The following TMEM229B variants were observed in gnomAD, a reference collection of about 807,000 sequenced individuals.
The protein encoded by TMEM229B is transmembrane protein 229B, also known as chromosome 14 open reading frame 83.
TMEM229B carries 6 observed loss-of-function variants against 13.7 expected under a neutral mutation model. The observed-to-expected ratio is 0.44, with a 90% confidence interval of 0.24 to 0.86. The LOEUF is 0.86. Ranked by LOEUF, TMEM229B falls within the 40% of genes least tolerant of loss-of-function variation. The pLI, the probability that TMEM229B is intolerant of heterozygous loss-of-function variation, is 0.23. For missense variants in TMEM229B, 170 were observed against 236.0 expected, an observed-to-expected ratio of 0.72 and a Z score of 1.83; for synonymous variants, 107 against 102.1, an observed-to-expected ratio of 1.05 and a Z score of -0.29.
upstream of TMEM229B, among the ~76,000 whole-genome samples, chr14:67,516,879 C>T (rs905947670): frequency 1.3e-5 from 2 of 152,196 alleles, no homozygotes; most frequent in African/African-American, 2.4e-5. Context: ...TAGACAGCCA[C>T]GTGCTACCAG....
At chr14:67,475,733 C>G (rs887991256) in intron 2 of TMEM229B, among the ~76,000 whole-genome samples, 1 of 152,138 alleles carries the variant, frequency 6.6e-6, no homozygotes, top group African/African-American at 2.4e-5. Flanking sequence ...GCTCCTTTCC[C>G]CTCCCCTCTT....
chr14:67,496,145 T>C (rs1354775009), intron 1 of TMEM229B, among the ~76,000 whole-genome samples: 3 of 152,244 alleles, frequency 2.0e-5, no homozygotes, highest in Admixed American at 1.3e-4. Context: ...GCTGAGATGG[T>C]GCCACTGTAC....
At chr14:67,528,930 G>A (rs1284077694) in intron 1 of TMEM229B, among the ~76,000 whole-genome samples, 1 of 152,106 alleles carries the variant, frequency 6.6e-6, no homozygotes, top group Admixed American at 6.6e-5. Flanking sequence ...TTTAAGACAT[G>A]AGGTTAGATT....
chr14:67,470,336 A>G lies in TMEM229B; in HGVS notation c.*3084T>C. 1 of 152,486 alleles carries G rather than the reference A, an allele frequency of 6.6e-6. No individual in the cohort carries two copies. Among genetic ancestry groups the G allele is most frequent in the Non-Finnish European group, 1.5e-5 (1 of 68,134 alleles). 9.4% of individuals were successfully genotyped at this position (152,486 alleles called of 1,614,324 possible). A position where few individuals can be genotyped will look rare whatever the true frequency, so the allele number is the denominator to read the frequency against. ...AAGGAAGAGACAGAGGGACCAACGG[A>G]GACACAGAGCAGGCAATGGGCGCAC... On this transcript the variant is annotated 3_prime_UTR_variant, in exon 3 of 3. Coordinates refer to ENST00000554480, the MANE Select transcript of TMEM229B (RefSeq NM_001348543.2).
At chr14:67,475,956 C>T (rs750056583) in intron 2 of TMEM229B, among the ~76,000 whole-genome samples, 3 of 152,230 alleles carry the variant, frequency 2.0e-5, no homozygotes, top group East Asian at 1.9e-4. Context: ...GTGGCCTTGA[C>T]GCAGGCCCGT....
chr14:67,477,902 C>T (rs1049556279), intron 2 of TMEM229B, among the ~76,000 whole-genome samples: 5 of 152,232 alleles, frequency 3.3e-5, no homozygotes, highest in Non-Finnish European at 5.9e-5. Context: ...CTGGCTTCCT[C>T]TGCCACATCC....
upstream of TMEM229B, among the ~76,000 whole-genome samples, chr14:67,489,772 C>T (rs561104670): frequency 2.6e-5 from 4 of 152,258 alleles, no homozygotes; most frequent in East Asian, 1.9e-4. Flanking sequence ...GGGCGGATCA[C>T]GAGGTCAGGA....
exon 1 of TMEM229B, chr14:67,515,264 C>G (rs1177166013): frequency 6.5e-6 from 1 of 152,956 alleles, no homozygotes; most frequent in Non-Finnish European, 1.5e-5. Context: ...TGGCTCCCCC[C>G]GCGCCGAGTT....
chr14:67,500,201 T>C (rs1171170272), intron 1 of TMEM229B, among the ~76,000 whole-genome samples: 2 of 151,984 alleles, frequency 1.3e-5, no homozygotes, highest in Non-Finnish European at 2.9e-5. Flanking sequence ...ATAGGCCATA[T>C]GCGGTGGCTT....
In TMEM229B at chr14:67,505,168, G is replaced by A. The variant is rs56338518; in HGVS notation, c.-192+9918C>T. 7.5e-3 allele frequency among the ~76,000 whole-genome samples: 1,143 copies of A among 152,210 alleles called. 20 individuals are homozygous for A. Among genetic ancestry groups the A allele is most frequent in the Admixed American group, 0.013 (195 of 15,280 alleles). On this transcript the variant is annotated intron_variant, in intron 1 of 2. Transcript: ENST00000357461. Reference sequence around the variant, plus strand: ...GGATGCGCATTTTCAAAAGAGGTGCGCAAGGGCCCCTCTCTCAAGCTGAGG... The same window carrying A: ...GGATGCGCATTTTCAAAAGAGGTGCACAAGGGCCCCTCTCTCAAGCTGAGG...
At chr14:67,492,608 G>A (rs777852945), upstream of TMEM229B, among the ~76,000 whole-genome samples, 1 of 152,188 alleles carries the variant, frequency 6.6e-6, no homozygotes, top group African/African-American at 2.4e-5. Flanking sequence ...TCACCAGGGA[G>A]GCAGAAAGAA....
chr14:67,485,539 C>T (rs1159975293), intron 2 of TMEM229B, among the ~76,000 whole-genome samples: 1 of 152,156 alleles, frequency 6.6e-6, no homozygotes, highest in East Asian at 1.9e-4. Context: ...CCTAGGAACT[C>T]CAAAAAAAGC....
chr14:67,503,760 G>A (rs139108259), intron 1 of TMEM229B, among the ~76,000 whole-genome samples: 13,368 of 151,832 alleles, frequency 0.088, 605 homozygotes, highest in African/African-American at 0.12. Context: ...CTGGAGTACA[G>A]TCGTGCGATC....
intron 1 of TMEM229B, among the ~76,000 whole-genome samples, chr14:67,487,917 C>T (rs2031971008): frequency 6.6e-6 from 1 of 152,152 alleles, no homozygotes. Context: ...AGCCACTGTG[C>T]CTGGCCAGCC....
intron 2 of TMEM229B, among the ~76,000 whole-genome samples, chr14:67,476,118 T>C (rs1001555232): frequency 6.6e-6 from 1 of 152,068 alleles, no homozygotes; most frequent in Non-Finnish European, 1.5e-5. Context: ...CTCTCCAAGG[T>C]GGGAGAAAAG....
At chr14:67,478,719 C>T (rs1386024890) in intron 2 of TMEM229B, among the ~76,000 whole-genome samples, 3 of 152,130 alleles carry the variant, frequency 2.0e-5, no homozygotes, top group Non-Finnish European at 4.4e-5. Flanking sequence ...CACCCAGGGC[C>T]GGTGAACCCT....
At chr14:67,528,737 A>AT (rs1271642009) in intron 1 of TMEM229B, among the ~76,000 whole-genome samples, 5 of 152,062 alleles carry the variant, frequency 3.3e-5, no homozygotes, top group African/African-American at 9.6e-5. Context: ...CGGACAGAGC[A>AT]TTTTGCATTG....
chr14:67,507,556 C>T (rs1451548972), intron 1 of TMEM229B, among the ~76,000 whole-genome samples: 2 of 151,962 alleles, frequency 1.3e-5, no homozygotes, highest in East Asian at 1.9e-4. Context: ...TTAAGTGATC[C>T]TCCCACCTCA....
chr14:67,490,550 A>G (rs992049166), upstream of TMEM229B, among the ~76,000 whole-genome samples: 1 of 152,236 alleles, frequency 6.6e-6, no homozygotes, highest in Non-Finnish European at 1.5e-5. Context: ...TCATGCACAT[A>G]GGATTCACTT....
Sources: allele counts gnomAD v4.1 joint callset (sites outside exome capture counted in the v4.1 genomes callset), GRCh38; gene constraint gnomAD v4.1.1; transcripts MANE v1.5; gene names NCBI Gene and HGNC (gene_info 2026-07-23, HGNC 2026-07-21).